ROPN1L: variants seen among roughly 807,000 people sequenced by gnomAD.
ROPN1L encodes the protein rhophilin associated tail protein 1 like.
In ROPN1L, 23 loss-of-function variants were observed where a neutral mutation model predicts 22.7. The observed-to-expected ratio is 1.01, with a 90% CI of 0.73 to 1.43. The LOEUF (loss-of-function observed/expected upper bound fraction) is 1.43. Among genes scored for constraint, ROPN1L ranks in the 40% most tolerant of loss-of-function variants. The probability of loss-of-function intolerance (pLI) is 0.00; values close to 1 mark genes in which losing one functional copy is unlikely to be tolerated. For synonymous variants in ROPN1L, 116 were observed against 117.8 expected (o/e 0.98, Z 0.10); for missense variants, 271 against 291.5 (o/e 0.93, Z 0.51).
Position 10,464,439 on chromosome 5 carries a change from C to G in ROPN1L, c.594-409C>G, listed in dbSNP as rs548231093. Among the ~76,000 whole-genome samples, 37 of 152,378 alleles carry G rather than the reference C, an allele frequency of 2.4e-4. No individual in the cohort carries two copies. The South Asian group carries it at 7.2e-3, about 30-fold the overall frequency. On this transcript the variant is annotated intron_variant, in intron 4 of 4. Coordinates refer to ENST00000274134, the MANE Select transcript of ROPN1L (RefSeq NM_031916.5). The stretch of plus-strand genomic sequence containing the variant: ...CTCCTGCCCGATCCGCGCACCTCTT[C>G]TCTTCTTTTGTGCTCTCTGATGCGG...
downstream of ROPN1L, among the ~76,000 whole-genome samples, chr5:10,476,129 G>A (rs1325480069): frequency 6.6e-6 from 1 of 152,242 alleles, no homozygotes; most frequent in Non-Finnish European, 1.5e-5. Flanking sequence ...ACATTGAATT[G>A]CACAGCAGGC....
At chr5:10,466,655 C>T (rs1000301540), downstream of ROPN1L, among the ~76,000 whole-genome samples, 3 of 152,126 alleles carry the variant, frequency 2.0e-5, no homozygotes, top group South Asian at 2.1e-4. Context: ...TGATGAGGCC[C>T]GTCCCTGCTG....
At chr5:10,464,254 C>A (rs1158228154) in intron 4 of ROPN1L, among the ~76,000 whole-genome samples, 1 of 152,198 alleles carries the variant, frequency 6.6e-6, no homozygotes, top group East Asian at 1.9e-4. Context: ...TCGTGGAAGA[C>A]CGCAGCTCCC....
At chr5:10,476,049 C>T (rs1177028276), downstream of ROPN1L, among the ~76,000 whole-genome samples, 1 of 152,218 alleles carries the variant, frequency 6.6e-6, no homozygotes, top group Non-Finnish European at 1.5e-5. Context: ...TGTCTTAAGG[C>T]CCATACTTAG....
intron 1 of ROPN1L, among the ~76,000 whole-genome samples, chr5:10,442,902 C>G (rs976984243): frequency 1.3e-5 from 2 of 152,228 alleles, no homozygotes; most frequent in African/African-American, 4.8e-5. Flanking sequence ...CTCAAAGTTA[C>G]AAGTCAACAG....
At chr5:10,468,163 T>C (rs1561180754), downstream of ROPN1L, among the ~76,000 whole-genome samples, 1 of 152,250 alleles carries the variant, frequency 6.6e-6, no homozygotes, top group Non-Finnish European at 1.5e-5. Context: ...CACGGTTGAC[T>C]GTCACCATTG....
At chr5:10,450,147 G>A in intron 3 of ROPN1L, 34 bp downstream of exon 3, 2 of 1,488,162 alleles carry the variant, frequency 1.3e-6, no homozygotes, top group Non-Finnish European at 1.8e-6. Context: ...TAATAATTCT[G>A]TGTCATCATG....
At chr5:10,460,719 C>T (rs1262245385) in intron 3 of ROPN1L, among the ~76,000 whole-genome samples, 1 of 152,216 alleles carries the variant, frequency 6.6e-6, no homozygotes, top group Non-Finnish European at 1.5e-5. Flanking sequence ...CAGGCATTGG[C>T]AGACACCCAG....
At chr5:10,442,321 G>A in intron 1 of ROPN1L, 23 bp downstream of exon 1, 1 of 1,611,140 alleles carries the variant, frequency 6.2e-7, no homozygotes. Flanking sequence ...GGCCCGGGGA[G>A]CTGTCCGGTC....
the ROPN1L span, among the ~76,000 whole-genome samples, chr5:10,479,873 T>A: frequency 1.3e-5 from 2 of 152,154 alleles, no homozygotes; most frequent in Non-Finnish European, 2.9e-5. Flanking sequence ...GCCTCCCAAG[T>A]AGCTGAGATT....
chr5:10,450,074 G>T lies in ROPN1L; in HGVS notation c.378G>T (p.Trp126Cys), dbSNP rs539771885. 9 of 1,613,826 alleles carry T rather than the reference G, an allele frequency of 5.6e-6. No homozygotes were observed. In the African/African-American group the frequency reaches 1.2e-4, roughly 22 times the overall value. Residue 126 changes from tryptophan to cysteine, a missense_variant, in exon 3 of 5, where the codon TGG becomes TGT. Transcript: ENST00000274134. ...ATCCTTGTGAAAACAAAATCAAGTG[G>T]ATAAACTTTTTAGCGCTTGGATGCA... ...QLDPCENKIK[W>C]INFLALGCSM...
chr5:10,450,830 G>T (rs1741231844), intron 3 of ROPN1L, among the ~76,000 whole-genome samples: 1 of 152,168 alleles, frequency 6.6e-6, no homozygotes, highest in African/African-American at 2.4e-5. Flanking sequence ...ATAACTAATA[G>T]ATACAGTGAG....
At chr5:10,453,052 T>C (rs1014437313) in intron 3 of ROPN1L, among the ~76,000 whole-genome samples, 14 of 152,354 alleles carry the variant, frequency 9.2e-5, no homozygotes, top group South Asian at 4.1e-4. Context: ...TCTCCTGACT[T>C]GAGCCACCTT....
At chr5:10,479,771 G>A in the ROPN1L span, among the ~76,000 whole-genome samples, 3 of 151,932 alleles carry the variant, frequency 2.0e-5, no homozygotes, top group African/African-American at 7.3e-5. Flanking sequence ...TTCTGAGACG[G>A]AGTTTCTCTT....
chr5:10,462,513 A>C (rs960869525), intron 4 of ROPN1L, among the ~76,000 whole-genome samples: 1 of 152,202 alleles, frequency 6.6e-6, no homozygotes, highest in East Asian at 1.9e-4. Context: ...GAGAGAATGT[A>C]TCTTGTCATT....
intron 3 of ROPN1L, among the ~76,000 whole-genome samples, chr5:10,454,359 G>T (rs1021645249): frequency 3.3e-5 from 5 of 152,170 alleles, no homozygotes; most frequent in Admixed American, 2.6e-4. Context: ...CTGAGCTCAA[G>T]CAGTCCTCTT....
intron 3 of ROPN1L, among the ~76,000 whole-genome samples, chr5:10,456,557 G>C (rs993581001): frequency 3.3e-5 from 5 of 152,190 alleles, no homozygotes; most frequent in African/African-American, 1.2e-4. Context: ...GCACATGGGA[G>C]AATAAATCAG....
Position 10,446,511 on chromosome 5 carries a change from A to G in ROPN1L, c.132-1749A>G, listed in dbSNP as rs201273128. 3.5e-4 allele frequency among the ~76,000 whole-genome samples: 54 copies of G among 152,340 alleles called. No homozygotes were observed. In the East Asian group the frequency reaches 8.9e-3, roughly 25 times the overall value. ...CCCCGTCTCTAATAAAATATAAAAA[A>G]TCAGCTGGGCTTGGTGATGCACATG... is the stretch of plus-strand genomic sequence containing the variant. On this transcript the variant is annotated intron_variant, in intron 1 of 4. Coordinates refer to ENST00000274134, the MANE Select transcript of ROPN1L (RefSeq NM_031916.5).
At chr5:10,459,597 T>C (rs2088625) in intron 3 of ROPN1L, among the ~76,000 whole-genome samples, 116,168 of 152,006 alleles carry the variant, frequency 0.76, 46,050 homozygotes, top group Non-Finnish European at 0.88. Context: ...TCTAGCTACC[T>C]GGAGCTCCTG....
Sources: gnomAD v4.1 joint callset for allele counts (sites outside exome capture counted in the v4.1 genomes callset) on GRCh38, gnomAD v4.1.1 for gene constraint, MANE v1.5 for transcripts, NCBI Gene and HGNC (gene_info 2026-07-23, HGNC 2026-07-21) for gene names.